LRP1B: variants seen among roughly 807,000 people sequenced by gnomAD.
LRP1B encodes the protein LDL receptor related protein 1B.
A neutral mutation model predicts 556.6 loss-of-function variants in LRP1B; 217 were observed. That is an observed-to-expected ratio of 0.39 (90% CI 0.35 to 0.44). The LOEUF (loss-of-function observed/expected upper bound fraction) is 0.44. Ranked by LOEUF, LRP1B falls within the 20% of genes least tolerant of loss-of-function variation. The probability of loss-of-function intolerance (pLI) is 1.00; values close to 1 mark genes in which losing one functional copy is unlikely to be tolerated. For synonymous variants in LRP1B, 2,047 were observed against 1,865.8 expected, an observed-to-expected ratio of 1.10 and a Z score of -2.50; for missense variants, 5,053 against 5,620.8, an observed-to-expected ratio of 0.90 and a Z score of 3.23.
At chr2:141,326,857 C>G (rs971473904) in intron 3 of LRP1B, among the ~76,000 whole-genome samples, 1 of 152,228 alleles carries the variant, frequency 6.6e-6, no homozygotes, top group African/African-American at 2.4e-5. Flanking sequence ...GGGCTTTAGG[C>G]CCTACAATAA....
intron 2 of LRP1B, among the ~76,000 whole-genome samples, chr2:141,528,221 A>C (rs1684755562): frequency 6.6e-6 from 1 of 151,828 alleles, no homozygotes; most frequent in Admixed American, 6.6e-5. Context: ...CTTGAGTGAC[A>C]ACCTATGGGG....
intron 1 of LRP1B, among the ~76,000 whole-genome samples, chr2:141,937,771 A>G (rs1700680359): frequency 6.6e-6 from 1 of 152,104 alleles, no homozygotes; most frequent in Non-Finnish European, 1.5e-5. Flanking sequence ...TGCCAAGGCC[A>G]AAGTCAAGAA....
intron 2 of LRP1B, among the ~76,000 whole-genome samples, chr2:141,794,134 A>G (rs1003009094): frequency 2.0e-5 from 3 of 151,914 alleles, no homozygotes; most frequent in African/African-American, 7.2e-5. Flanking sequence ...AAAGAAAGTA[A>G]CTTTTCCCCC....
At chr2:141,105,982 C>A (rs1161678530) in intron 7 of LRP1B, among the ~76,000 whole-genome samples, 2 of 152,072 alleles carry the variant, frequency 1.3e-5, no homozygotes, top group East Asian at 1.9e-4. Context: ...TGGGAATCCA[C>A]AGGGGGCCAA....
At chr2:141,877,685 C>T (rs1029202732) in intron 1 of LRP1B, among the ~76,000 whole-genome samples, 8 of 151,830 alleles carry the variant, frequency 5.3e-5, no homozygotes, top group South Asian at 4.1e-4. Context: ...TTACAGCAGT[C>T]GGTAATACTC....
At chr2:141,081,683 C>T (rs7602546) in intron 7 of LRP1B, among the ~76,000 whole-genome samples, 129,908 of 152,172 alleles carry the variant, frequency 0.85, 55,734 homozygotes, top group Non-Finnish European at 0.89. Flanking sequence ...TTAAATTAGC[C>T]AATAAACTCT....
At chr2:141,783,052 A>T (rs1279833262) in intron 2 of LRP1B, among the ~76,000 whole-genome samples, 1 of 152,082 alleles carries the variant, frequency 6.6e-6, no homozygotes, top group Admixed American at 6.6e-5. Context: ...TCATCCATTC[A>T]TTCATTCACT....
chr2:140,487,409 A>G (rs1688513656), intron 58 of LRP1B, among the ~76,000 whole-genome samples: 1 of 151,914 alleles, frequency 6.6e-6, no homozygotes, highest in African/African-American at 2.4e-5. Context: ...TGTTTATGTT[A>G]TTGCAAGTAA....
At chr2:141,172,488 C>T (rs1053825828) in intron 7 of LRP1B, among the ~76,000 whole-genome samples, 2 of 151,980 alleles carry the variant, frequency 1.3e-5, no homozygotes, top group African/African-American at 4.8e-5. Context: ...ATCTTACTGA[C>T]TAAAATGAAT....
At chr2:140,430,224 A>C (rs566899017) in intron 66 of LRP1B, among the ~76,000 whole-genome samples, 1 of 152,210 alleles carries the variant, frequency 6.6e-6, no homozygotes, top group Admixed American at 6.5e-5. Context: ...GCCCCCATCC[A>C]CTACCTCTCA....
At chr2:141,024,977 C>T (rs1698177005) in intron 11 of LRP1B, among the ~76,000 whole-genome samples, 1 of 152,042 alleles carries the variant, frequency 6.6e-6, no homozygotes, top group Non-Finnish European at 1.5e-5. Flanking sequence ...CTTTGCTATA[C>T]AAGCATCTTT....
At chr2:140,889,203 C>T (rs1373138221) in intron 23 of LRP1B, among the ~76,000 whole-genome samples, 1 of 152,184 alleles carries the variant, frequency 6.6e-6, no homozygotes, top group Non-Finnish European at 1.5e-5. Context: ...CCAATTAAAA[C>T]AGCAAGACCA....
chr2:140,383,229 T>A (rs1351049150), intron 67 of LRP1B, among the ~76,000 whole-genome samples: 1 of 152,040 alleles, frequency 6.6e-6, no homozygotes, highest in African/African-American at 2.4e-5. Flanking sequence ...ATAACATTGA[T>A]CAATAATATT....
At chr2:140,802,346 C>A (rs78363540) in intron 32 of LRP1B, among the ~76,000 whole-genome samples, 123 of 152,240 alleles carry the variant, frequency 8.1e-4, no homozygotes, top group African/African-American at 2.9e-3. Flanking sequence ...ATTGAATACC[C>A]CAGTGGACAT....
At chr2:141,304,475 ATTTTTTTTTTT>A (rs67213971) in intron 3 of LRP1B, among the ~76,000 whole-genome samples, 1 of 83,866 alleles carries the variant, frequency 1.2e-5, no homozygotes, top group African/African-American at 4.6e-5. Context: ...AGTTTCATTC[ATTTTTTTTTTT>A]TTTTTTTTTT....
At chr2:140,732,199 A>G (rs946925729) in intron 35 of LRP1B, among the ~76,000 whole-genome samples, 1 of 151,986 alleles carries the variant, frequency 6.6e-6, no homozygotes, top group Admixed American at 6.6e-5. Flanking sequence ...TAATGTTTCA[A>G]AGTTTCCATG....
intron 1 of LRP1B, among the ~76,000 whole-genome samples, chr2:142,022,885 C>G (rs1299861050): frequency 6.6e-6 from 1 of 152,050 alleles, no homozygotes; most frequent in Non-Finnish European, 1.5e-5. Flanking sequence ...CCCTGTTGGC[C>G]AGGATGGTCT....
At chr2:141,987,732 ATACTT>A (rs946165777) in intron 1 of LRP1B, among the ~76,000 whole-genome samples, 25 of 152,012 alleles carry the variant, frequency 1.6e-4, no homozygotes, top group African/African-American at 6.0e-4. Flanking sequence ...TTCAAAAATA[ATACTT>A]TACATTTTTT....
chr2:140,427,536 A>G lies in LRP1B; in HGVS notation c.10414+14968T>C, dbSNP rs189929569. The stretch of plus-strand genomic sequence containing the variant: ...TTGACCTCAATACAAACTCGACAGT[A>G]GTTCCAAATAGCCAGAAAACGGCAC... On this transcript the variant is annotated intron_variant, in intron 66 of 90. Transcript: ENST00000389484. Among the ~76,000 whole-genome samples, 655 of 152,298 alleles carry G rather than the reference A, an allele frequency of 4.3e-3. 4 individuals carry two copies. Among genetic ancestry groups the G allele is most frequent in the Non-Finnish European group, 5.0e-3 (338 of 68,022 alleles).
Sources: gnomAD v4.1 joint callset for allele counts (sites outside exome capture counted in the v4.1 genomes callset) on GRCh38, gnomAD v4.1.1 for gene constraint, MANE v1.5 for transcripts, NCBI Gene and HGNC (gene_info 2026-07-23, HGNC 2026-07-21) for gene names.